The following RANBP2 variants were observed in gnomAD, a reference collection of about 807,000 sequenced individuals.
RANBP2 encodes the protein E3 SUMO-protein ligase RanBP2.
A neutral mutation model predicts 303.6 loss-of-function variants in RANBP2; 57 were observed. The observed-to-expected ratio is 0.19, with a 90% CI of 0.15 to 0.23. The LOEUF is 0.23. RANBP2 is among the 10% of genes least tolerant of loss of function. RANBP2 has a pLI of 1.00. For missense variants in RANBP2, 3,138 were observed against 3,780.8 expected, an observed-to-expected ratio of 0.83 and a Z score of 4.46; for synonymous variants, 1,167 against 1,301.5, an observed-to-expected ratio of 0.90 and a Z score of 2.23.
the RANBP2 span, among the ~76,000 whole-genome samples, chr2:109,399,771 G>T: frequency 6.6e-6 from 1 of 152,272 alleles, no homozygotes; most frequent in Non-Finnish European, 1.5e-5. Context: ...TGCAGAGACT[G>T]CAGCAGGAGA....
chr2:108,768,761 G>A (rs917683387), intron 20 of RANBP2, among the ~76,000 whole-genome samples: 14 of 152,024 alleles, frequency 9.2e-5, no homozygotes, highest in East Asian at 1.9e-4. Context: ...GGCTGGGCAC[G>A]GTGGCTCACT....
At chr2:109,046,161 G>A in the RANBP2 span, among the ~76,000 whole-genome samples, 12 of 151,624 alleles carry the variant, frequency 7.9e-5, no homozygotes, top group African/African-American at 2.2e-4. Context: ...AAAATTAGCC[G>A]GGTGTGGTGG....
chr2:109,400,575 GCA>G, the RANBP2 span, among the ~76,000 whole-genome samples: 297 of 147,088 alleles, frequency 2.0e-3, 4 homozygotes, highest in East Asian at 9.8e-4. Flanking sequence ...ACACCTGTGC[GCA>G]CACACACACA....
chr2:109,422,140 C>A, the RANBP2 span, among the ~76,000 whole-genome samples: 2 of 152,310 alleles, frequency 1.3e-5, no homozygotes, highest in African/African-American at 2.4e-5. Context: ...CTGTAAGTCA[C>A]GTTCAGAAGT....
chr2:109,128,445 G>A, the RANBP2 span: 1 of 152,118 alleles, frequency 6.6e-6, no homozygotes, highest in Non-Finnish European at 1.5e-5. Flanking sequence ...GCGGGCAGCG[G>A]CGCCAGCCTC....
chr2:109,009,343 T>A, the RANBP2 span, among the ~76,000 whole-genome samples: 2,946 of 150,860 alleles, frequency 0.02, 39 homozygotes, highest in Non-Finnish European at 0.03. Context: ...GTCTCAAAAA[T>A]ATATATATAA....
the RANBP2 span, among the ~76,000 whole-genome samples, chr2:109,356,488 G>C: frequency 6.6e-6 from 1 of 152,198 alleles, no homozygotes; most frequent in Non-Finnish European, 1.5e-5. Flanking sequence ...GCCACATATG[G>C]CAGCCTGGTG....
At chr2:109,319,293 T>C in the RANBP2 span, among the ~76,000 whole-genome samples, 2 of 152,232 alleles carry the variant, frequency 1.3e-5, no homozygotes, top group African/African-American at 4.8e-5. Context: ...CATCGTGATA[T>C]GAACTCTACA....
chr2:109,763,535 G>A, the RANBP2 span, among the ~76,000 whole-genome samples: 2 of 149,946 alleles, frequency 1.3e-5, no homozygotes, highest in East Asian at 2.0e-4. Flanking sequence ...ACAAAACCTC[G>A]ATGGACTGGA....
the RANBP2 span, among the ~76,000 whole-genome samples, chr2:109,483,296 T>C: frequency 6.6e-6 from 1 of 152,242 alleles, no homozygotes; most frequent in Non-Finnish European, 1.5e-5. Flanking sequence ...TAAGTCCCCG[T>C]TTCTTTCTTC....
chr2:108,775,991 G>T, intron 24 of RANBP2, 55 bp downstream of exon 24: 1 of 1,473,184 alleles, frequency 6.8e-7, no homozygotes, highest in African/African-American at 1.4e-5. Flanking sequence ...TTATATTTGA[G>T]AAGATAGACT....
At chr2:109,722,143 G>A in the RANBP2 span, among the ~76,000 whole-genome samples, 1 of 152,198 alleles carries the variant, frequency 6.6e-6, no homozygotes, top group Non-Finnish European at 1.5e-5. Flanking sequence ...GAGCTGAGAA[G>A]GTTGCAACCA....
the RANBP2 span, chr2:108,815,824 A>G: frequency 1.2e-6 from 1 of 849,000 alleles, no homozygotes; most frequent in Non-Finnish European, 1.8e-6. Context: ...TGTCCTTAAC[A>G]CATTTTAGTG....
the RANBP2 span, chr2:109,616,259 T>TACCTTG: frequency 1.2e-6 from 1 of 841,722 alleles, no homozygotes; most frequent in Non-Finnish European, 1.6e-6. Context: ...AGATTCATCA[T>TACCTTG]ACCTTGACCT....
chr2:108,996,342 C>T, the RANBP2 span, among the ~76,000 whole-genome samples: 1 of 152,168 alleles, frequency 6.6e-6, no homozygotes, highest in Non-Finnish European at 1.5e-5. Context: ...CACAGTTTCT[C>T]ACAATCCCAA....
At chr2:109,466,990 A>C in the RANBP2 span, among the ~76,000 whole-genome samples, 1 of 152,190 alleles carries the variant, frequency 6.6e-6, no homozygotes, top group Non-Finnish European at 1.5e-5. Context: ...TACTCTGTGA[A>C]AGAGAGAAAG....
At chr2:108,809,195 A>G in the RANBP2 span, among the ~76,000 whole-genome samples, 2 of 152,172 alleles carry the variant, frequency 1.3e-5, no homozygotes, top group Non-Finnish European at 2.9e-5. Context: ...TTATGCCAAT[A>G]CTATGCTGTT....
the RANBP2 span, among the ~76,000 whole-genome samples, chr2:108,903,938 TTTATAA>T: frequency 6.6e-6 from 1 of 152,058 alleles, no homozygotes; most frequent in East Asian, 1.9e-4. Flanking sequence ...AAAAGAAAAC[TTTATAA>T]TTAGTTTCAT....
the RANBP2 span, among the ~76,000 whole-genome samples, chr2:109,051,155 G>C: frequency 4.6e-5 from 7 of 152,186 alleles, no homozygotes; most frequent in African/African-American, 1.7e-4. Context: ...TCAGTTGAAG[G>C]ATTCAAAATA....
Sources: gnomAD v4.1 joint callset for allele counts (sites outside exome capture counted in the v4.1 genomes callset) on GRCh38, gnomAD v4.1.1 for gene constraint, MANE v1.5 for transcripts, NCBI Gene and HGNC (gene_info 2026-07-23, HGNC 2026-07-21) for gene names.